Variants in NUP205 observed in about 807,000 individuals in gnomAD.
NUP205 encodes nuclear pore complex protein Nup205.
In NUP205, 76 loss-of-function variants were observed where a neutral mutation model predicts 253.8. The observed-to-expected ratio is 0.30, with a 90% confidence interval of 0.25 to 0.36. The LOEUF (loss-of-function observed/expected upper bound fraction) is 0.36. NUP205 is among the 10% of genes least tolerant of loss of function. The pLI, the probability that NUP205 is intolerant of heterozygous loss-of-function variation, is 1.00. For missense variants in NUP205, 2,162 were observed against 2,425.5 expected (o/e 0.89, Z 2.28); for synonymous variants, 832 against 850.1 (o/e 0.98, Z 0.37).
intron 26 of NUP205, 115 bp from the exon 27 acceptor site, chr7:135,617,487 T>C (rs1794385814): frequency 1.3e-6 from 1 of 760,124 alleles, no homozygotes; most frequent in South Asian, 1.8e-5. Flanking sequence ...TGTTAGATTA[T>C]ATATAAAGGT....
chr7:135,627,856 T>A, intron 33 of NUP205, 117 bp from the exon 34 acceptor site: 1 of 962,106 alleles, frequency 1.0e-6, no homozygotes, highest in Admixed American at 1.9e-5. Flanking sequence ...GAGTACTCAC[T>A]AGTTGATTCA....
chr7:135,606,641 C>A, intron 20 of NUP205, 110 bp from the exon 21 acceptor site: 1 of 777,328 alleles, frequency 1.3e-6, no homozygotes, highest in Non-Finnish European at 2.1e-6. Flanking sequence ...GATAATCAGG[C>A]AAACGATCTA....
intron 13 of NUP205, 135 bp downstream of exon 13, chr7:135,594,864 C>G: frequency 3.1e-6 from 2 of 640,428 alleles, no homozygotes; most frequent in Non-Finnish European, 5.2e-6. Flanking sequence ...GGTTTAGGGA[C>G]TGAGCATAGC....
intron 34 of NUP205, among the ~76,000 whole-genome samples, chr7:135,629,512 T>C (rs1287957908): frequency 1.5e-5 from 2 of 133,110 alleles, no homozygotes; most frequent in South Asian, 2.5e-4. Flanking sequence ...TCTCTCTCTG[T>C]CTCTCTCTCT....
At chr7:135,561,358 A>G (rs1179175504) in intron 1 of NUP205, among the ~76,000 whole-genome samples, 1 of 152,148 alleles carries the variant, frequency 6.6e-6, no homozygotes, top group Non-Finnish European at 1.5e-5. Flanking sequence ...ACAAACAAAC[A>G]AAAAACAAAC....
chr7:135,603,423 G>C (rs996426000), intron 18 of NUP205, among the ~76,000 whole-genome samples: 1 of 150,192 alleles, frequency 6.7e-6, no homozygotes, highest in Admixed American at 6.6e-5. Context: ...TTATTTTACT[G>C]TTGCCTTCTT....
intron 13 of NUP205, among the ~76,000 whole-genome samples, chr7:135,596,856 C>T (rs1793848523): frequency 6.6e-6 from 1 of 150,828 alleles, no homozygotes. Context: ...ACTCTGGAGG[C>T]TGAGGCAGGA....
Position 135,577,788 on chromosome 7 carries a change from A to C in NUP205, c.649-8A>C, listed in dbSNP as rs1806191643. The C allele has an allele frequency of 6.2e-7, 1 of 1,603,948 alleles. No homozygotes were observed. Among genetic ancestry groups the C allele is most frequent in the African/African-American group, 1.3e-5 (1 of 74,788 alleles). Reference sequence around the variant, plus strand: ...TATTTATACTGATAGTCATGTTTTTATTTCTAGGTTTCTGATCTCATTAAG... The same window carrying C: ...TATTTATACTGATAGTCATGTTTTTCTTTCTAGGTTTCTGATCTCATTAAG... On this transcript the variant is annotated splice_polypyrimidine_tract_variant and splice_region_variant and intron_variant, in intron 5 of 42. Transcript: ENST00000285968.
intron 25 of NUP205, 78 bp downstream of exon 25, chr7:135,616,804 G>C: frequency 1.2e-6 from 1 of 834,456 alleles, no homozygotes; most frequent in Non-Finnish European, 1.7e-6. Flanking sequence ...GGATTATTAT[G>C]CCTGTGCCTC....
chr7:135,638,768 C>A, intron 38 of NUP205, 85 bp downstream of exon 38: 2 of 1,391,138 alleles, frequency 1.4e-6, no homozygotes, highest in Non-Finnish European at 2.0e-6. Context: ...CAGTAAGATG[C>A]AGTATTTTCT....
chr7:135,588,884 G>C lies in NUP205; in HGVS notation c.1473+892G>C, dbSNP rs145640297. 3.3e-3 allele frequency among the ~76,000 whole-genome samples: 502 copies of C among 151,394 alleles called. 14 individuals are homozygous for C. The highest frequency in any genetic ancestry group is 5.9e-3 in the Non-Finnish European group (402 of 67,748). Reference sequence around the variant, plus strand: ...TATTAACTAAAGTATGATGTGCAGAGGCAAATAAAATGAATTGCTATGCAG... The same window carrying C: ...TATTAACTAAAGTATGATGTGCAGACGCAAATAAAATGAATTGCTATGCAG... On this transcript the variant is annotated intron_variant, in intron 10 of 42. Coordinates refer to ENST00000285968, the MANE Select transcript of NUP205 (RefSeq NM_015135.3).
At chr7:135,601,548 A>G in intron 17 of NUP205, 41 bp downstream of exon 17, 1 of 1,580,832 alleles carries the variant, frequency 6.3e-7, no homozygotes, top group Non-Finnish European at 8.6e-7. Flanking sequence ...AACAGCTTTG[A>G]TGTTTTCATC....
chr7:135,591,524 G>A lies in NUP205; in HGVS notation c.1548G>A (p.Met516Ile), dbSNP rs1281371245. 4 of 1,614,008 alleles carry A rather than the reference G, an allele frequency of 2.5e-6. No homozygotes were observed. Among genetic ancestry groups the A allele is most frequent in the Admixed American group, 3.3e-5 (2 of 60,018 alleles). The change falls in exon 11 of 43, where the codon ATG becomes ATA. Residue 516 changes from methionine to isoleucine, a missense_variant. Met to Ile is a conservative substitution (Grantham distance 10). Transcript: ENST00000285968. ...PPTIYIPYLK[M>I]LQGLANGPQC... ...CTATTTATATTCCTTATTTGAAGAT[G>A]CTCCAGGGATTGGCCAATGGGCCTC...
chr7:135,573,431 A>C (rs966563046), intron 2 of NUP205, among the ~76,000 whole-genome samples: 1 of 152,182 alleles, frequency 6.6e-6, no homozygotes, highest in African/African-American at 2.4e-5. Flanking sequence ...TTCAGATCAG[A>C]GTTTAGCAGT....
chr7:135,570,098 C>A (rs1805914020), intron 1 of NUP205, among the ~76,000 whole-genome samples: 1 of 129,350 alleles, frequency 7.7e-6, no homozygotes, highest in Admixed American at 7.8e-5. Context: ...GAGAGAGAAA[C>A]TGAAGTTTAA....
At chr7:135,561,296 A>G (rs954855069) in intron 1 of NUP205, among the ~76,000 whole-genome samples, 3 of 152,204 alleles carry the variant, frequency 2.0e-5, no homozygotes, top group Non-Finnish European at 4.4e-5. Context: ...GTGAGCCGAG[A>G]TCATACCACT....
intron 35 of NUP205, among the ~76,000 whole-genome samples, chr7:135,634,279 T>G (rs948634713): frequency 6.6e-6 from 1 of 152,100 alleles, no homozygotes; most frequent in African/African-American, 2.4e-5. Flanking sequence ...TTGATATACA[T>G]AGAATAGTTA....
chr7:135,567,132 A>C (rs1421271458), intron 1 of NUP205, among the ~76,000 whole-genome samples: 1,420 of 6,240 alleles, frequency 0.23, 195 homozygotes, highest in South Asian at 0.44. Context: ...ATGTGTGTAT[A>C]TATATATATA....
intron 1 of NUP205, among the ~76,000 whole-genome samples, chr7:135,565,820 T>C (rs1044912328): frequency 6.6e-6 from 1 of 152,236 alleles, no homozygotes; most frequent in African/African-American, 2.4e-5. Flanking sequence ...CATCTGCTAC[T>C]GGAAACTTTG....
Sources: gnomAD v4.1 joint callset for allele counts (sites outside exome capture counted in the v4.1 genomes callset) on GRCh38, gnomAD v4.1.1 for gene constraint, MANE v1.5 for transcripts, NCBI Gene and HGNC (gene_info 2026-07-23, HGNC 2026-07-21) for gene names.